Variants in RPH3A observed in about 807,000 individuals in gnomAD.
The protein encoded by RPH3A is rabphilin 3A, also known as rabphilin-3A.
RPH3A carries 48 observed loss-of-function variants against 102.2 expected under a neutral mutation model. The observed-to-expected ratio is 0.47, with a 90% CI of 0.37 to 0.60. The LOEUF (loss-of-function observed/expected upper bound fraction) is 0.60, where lower values mean the gene tolerates loss of function less well. RPH3A is among the 20% of genes least tolerant of loss of function. RPH3A has a pLI of 0.00. For missense variants in RPH3A, 781 were observed against 910.1 expected (o/e 0.86, Z 1.83); for synonymous variants, 310 against 324.3 (o/e 0.96, Z 0.47).
intron 1 of RPH3A, among the ~76,000 whole-genome samples, chr12:112,593,820 T>C (rs1345849200): frequency 6.6e-6 from 1 of 152,218 alleles, no homozygotes; most frequent in Non-Finnish European, 1.5e-5. Context: ...ACCCATCTTT[T>C]CAGTTGTCTA....
At chr12:112,745,720 C>A (rs1021056573) in intron 1 of RPH3A, among the ~76,000 whole-genome samples, 4 of 152,186 alleles carry the variant, frequency 2.6e-5, no homozygotes, top group Admixed American at 2.6e-4. Context: ...AGCAAAATCA[C>A]AGACTTCTGC....
chr12:112,789,027 G>A (rs114832339), upstream of RPH3A, among the ~76,000 whole-genome samples: 1,191 of 152,226 alleles, frequency 7.8e-3, 19 homozygotes, highest in African/African-American at 0.027. Context: ...GGCGTGGGGC[G>A]CATACCTGTA....
intron 19 of RPH3A, among the ~76,000 whole-genome samples, chr12:112,891,562 C>T (rs147365401): frequency 6.6e-6 from 1 of 152,252 alleles, no homozygotes; most frequent in East Asian, 1.9e-4. Context: ...AGGAAGTCTG[C>T]AGGGAGTCAG....
chr12:112,840,344 C>T (rs1489946136), intron 4 of RPH3A, among the ~76,000 whole-genome samples: 1 of 152,136 alleles, frequency 6.6e-6, no homozygotes, highest in East Asian at 1.9e-4. Flanking sequence ...TAATTCTAAT[C>T]TTCTAGTTAT....
intron 2 of RPH3A, among the ~76,000 whole-genome samples, chr12:112,818,543 A>C (rs2136133896): frequency 6.6e-6 from 1 of 152,246 alleles, no homozygotes; most frequent in Middle Eastern, 3.4e-3. Flanking sequence ...TTAGCAGCCC[A>C]ATGGAAAGAG....
intron 3 of RPH3A, among the ~76,000 whole-genome samples, chr12:112,832,367 T>A (rs2041984096): frequency 6.6e-6 from 1 of 152,262 alleles, no homozygotes; most frequent in Non-Finnish European, 1.5e-5. Context: ...TGCCTCTTGC[T>A]TGTTTTCAAT....
At chr12:112,829,148 G>A (rs1378070775) in intron 3 of RPH3A, among the ~76,000 whole-genome samples, 1 of 152,124 alleles carries the variant, frequency 6.6e-6, no homozygotes. Context: ...TATATTAGAC[G>A]GTATTTTAGG....
intron 3 of RPH3A, among the ~76,000 whole-genome samples, chr12:112,834,901 T>C (rs1157076358): frequency 2.0e-5 from 3 of 152,210 alleles, no homozygotes; most frequent in African/African-American, 7.2e-5. Flanking sequence ...TCCTTTTCCA[T>C]AACAGAGTCT....
chr12:112,682,607 C>T (rs1488432972), intron 1 of RPH3A, among the ~76,000 whole-genome samples: 1 of 152,158 alleles, frequency 6.6e-6, no homozygotes, highest in Non-Finnish European at 1.5e-5. Context: ...GGATCCCAGG[C>T]TCCCCCTCTC....
intron 1 of RPH3A, among the ~76,000 whole-genome samples, chr12:112,673,717 CAGTTA>C (rs1019390672): frequency 2.6e-5 from 4 of 152,220 alleles, no homozygotes; most frequent in African/African-American, 9.6e-5. Context: ...TTAAAATGTA[CAGTTA>C]AGTTATTATT....
Position 112,690,406 on chromosome 12 carries a change from A to C in RPH3A, c.-139-101737A>C, listed in dbSNP as rs147667894. Reference sequence around the variant, plus strand: ...ACGAAACAATGGGGAAGAAAGTGCCATGCTACAGTTAGCTGGGCTTGTGCT... The same window carrying C: ...ACGAAACAATGGGGAAGAAAGTGCCCTGCTACAGTTAGCTGGGCTTGTGCT... On this transcript the variant is annotated intron_variant, in intron 1 of 21. Coordinates refer to the RPH3A transcript ENST00000543106. Among the ~76,000 whole-genome samples, 137 of 152,310 alleles carry C rather than the reference A, an allele frequency of 9.0e-4. 4 individuals are homozygous for C. In the South Asian group the frequency reaches 0.016, roughly 18 times the overall value.
chr12:112,602,009 T>G (rs1331990925), intron 1 of RPH3A, among the ~76,000 whole-genome samples: 1 of 152,158 alleles, frequency 6.6e-6, no homozygotes, highest in Admixed American at 6.5e-5. Flanking sequence ...GAGTAACACC[T>G]ACTTCAGAAT....
At chr12:112,877,162 C>A (rs1011475959) in intron 13 of RPH3A, among the ~76,000 whole-genome samples, 9 of 152,196 alleles carry the variant, frequency 5.9e-5, no homozygotes, top group African/African-American at 2.2e-4. Context: ...TGACTACATT[C>A]TTGATGTTCA....
chr12:112,592,192 C>T (rs1367571723), intron 1 of RPH3A, among the ~76,000 whole-genome samples: 6 of 152,072 alleles, frequency 3.9e-5, no homozygotes, highest in Non-Finnish European at 7.4e-5. Flanking sequence ...GCCTGGGTAA[C>T]ATGGCAAAAC....
chr12:112,595,078 A>T (rs1421297256), intron 1 of RPH3A, among the ~76,000 whole-genome samples: 2 of 152,236 alleles, frequency 1.3e-5, no homozygotes, highest in East Asian at 3.9e-4. Flanking sequence ...TCCCATTTCC[A>T]CACTTACTGG....
chr12:112,755,298 TACACACACACACACACACACAC>T (rs58229294), intron 1 of RPH3A, among the ~76,000 whole-genome samples: 3 of 145,778 alleles, frequency 2.1e-5, no homozygotes, highest in African/African-American at 7.7e-5. Flanking sequence ...TATATGTATA[TACACACACACACACACACACAC>T]ACACACACAC....
chr12:112,688,663 A>G (rs1275800589), intron 1 of RPH3A, among the ~76,000 whole-genome samples: 1 of 152,200 alleles, frequency 6.6e-6, no homozygotes, highest in Non-Finnish European at 1.5e-5. Flanking sequence ...GGTGCTGTGT[A>G]CAGGGTTTTA....
chr12:112,889,894 C>T, intron 17 of RPH3A, 130 bp from the exon 18 acceptor site: 1 of 781,388 alleles, frequency 1.3e-6, no homozygotes, highest in South Asian at 1.6e-5. Context: ...GCAGGAGAGC[C>T]ACAGTAGCTT....
chr12:112,641,649 C>T (rs893770925), intron 1 of RPH3A, among the ~76,000 whole-genome samples: 8 of 152,154 alleles, frequency 5.3e-5, no homozygotes, highest in Admixed American at 2.6e-4. Flanking sequence ...CCGTCCACCT[C>T]GGCCTCCCAA....
Sources: gnomAD v4.1 joint callset for allele counts (sites outside exome capture counted in the v4.1 genomes callset) on GRCh38, gnomAD v4.1.1 for gene constraint, MANE v1.5 for transcripts, NCBI Gene and HGNC (gene_info 2026-07-23, HGNC 2026-07-21) for gene names.